The following DGKB variants were observed in gnomAD, a reference collection of about 807,000 sequenced individuals.
The protein encoded by DGKB is 90 kDa diacylglycerol kinase.
DGKB carries 67 observed loss-of-function variants against 114.3 expected under a neutral mutation model. The ratio of observed to expected loss-of-function variants is 0.59; its 90% CI spans 0.48 to 0.72. DGKB has a LOEUF of 0.72. DGKB is among the 30% of genes least tolerant of loss of function. The pLI is 0.00. For synonymous variants in DGKB, 398 were observed against 323.1 expected (o/e 1.23, Z -2.49); for missense variants, 907 against 975.2 (o/e 0.93, Z 0.93).
At chr7:14,540,838 T>C (rs73682442) in intron 20 of DGKB, among the ~76,000 whole-genome samples, 2,894 of 152,290 alleles carry the variant, frequency 0.019, 59 homozygotes, top group East Asian at 0.082. Context: ...ATGTAGCCTG[T>C]TAGCTGAACA....
chr7:14,309,916 C>T (rs934949654), intron 23 of DGKB, among the ~76,000 whole-genome samples: 4 of 152,174 alleles, frequency 2.6e-5, no homozygotes, highest in African/African-American at 9.7e-5. Context: ...AAAGAATATA[C>T]ATTTGGATAC....
At chr7:14,859,628 T>C (rs971057716) in intron 1 of DGKB, among the ~76,000 whole-genome samples, 2 of 152,156 alleles carry the variant, frequency 1.3e-5, no homozygotes, top group South Asian at 4.1e-4. Flanking sequence ...TTCCTTGTTG[T>C]TGGAATTCAC....
rs914000108 is a variant in DGKB at position 14,535,179 on chromosome 7, G to C, written c.1770+39033C>G. ...AGACAAGGAGTTCAAGATTAGCCTT[G>C]TCAACACAGTGAGAACTGTCTCAAC... is the stretch of plus-strand genomic sequence containing the variant. On this transcript the variant is annotated intron_variant, in intron 20 of 25. Coordinates refer to ENST00000402815, the MANE Select transcript of DGKB (RefSeq NM_001350709.2). Among the ~76,000 whole-genome samples the C allele has an allele frequency of 1.3e-5, 2 of 152,152 alleles. 1 individual carries two copies. The highest frequency in any genetic ancestry group is 3.9e-4 in the East Asian group (2 of 5,166).
intron 20 of DGKB, among the ~76,000 whole-genome samples, chr7:14,485,084 GACACACACACACCAC>G (rs1199846171): frequency 1.7e-5 from 2 of 114,880 alleles, no homozygotes; most frequent in Non-Finnish European, 1.7e-5. Context: ...ATTACTGAAA[GACACACACACACCAC>G]ACACACACAC....
At chr7:14,699,703 G>T (rs1476497186) in intron 7 of DGKB, among the ~76,000 whole-genome samples, 2 of 152,088 alleles carry the variant, frequency 1.3e-5, no homozygotes, top group Admixed American at 6.5e-5. Flanking sequence ...AAACCTGACA[G>T]CGAAGGAAAA....
chr7:14,487,101 T>C (rs1318457130), intron 20 of DGKB, among the ~76,000 whole-genome samples: 2 of 152,210 alleles, frequency 1.3e-5, no homozygotes, highest in African/African-American at 4.8e-5. Context: ...TGTAGGGCTA[T>C]TCACTTTCCA....
At chr7:14,274,985 G>A (rs922559493) in intron 23 of DGKB, among the ~76,000 whole-genome samples, 2 of 151,268 alleles carry the variant, frequency 1.3e-5, no homozygotes, top group South Asian at 2.1e-4. Context: ...TTGTGTGTGC[G>A]TGTTATAAAT....
At chr7:14,939,172 T>C (rs1452620558) in intron 1 of DGKB, among the ~76,000 whole-genome samples, 6 of 152,240 alleles carry the variant, frequency 3.9e-5, no homozygotes, top group African/African-American at 1.4e-4. Flanking sequence ...TAGTACTTTG[T>C]ACATAGTATG....
chr7:14,444,708 A>G (rs1830506389), intron 21 of DGKB, among the ~76,000 whole-genome samples: 1 of 151,916 alleles, frequency 6.6e-6, no homozygotes, highest in African/African-American at 2.4e-5. Flanking sequence ...TCCTATTACT[A>G]TCCCCACTTT....
intron 9 of DGKB, among the ~76,000 whole-genome samples, chr7:14,693,172 C>T (rs1823186630): frequency 6.6e-6 from 1 of 152,048 alleles, no homozygotes; most frequent in African/African-American, 2.4e-5. Flanking sequence ...TGGTCTTACA[C>T]CTTAAAACTC....
intron 20 of DGKB, among the ~76,000 whole-genome samples, chr7:14,532,034 A>G (rs747390213): frequency 1.3e-5 from 2 of 151,348 alleles, no homozygotes; most frequent in Non-Finnish European, 3.0e-5. Flanking sequence ...TGAATCCTAC[A>G]TCCAAATAAA....
chr7:14,692,010 T>C (rs1175500517), intron 9 of DGKB, among the ~76,000 whole-genome samples: 1 of 152,084 alleles, frequency 6.6e-6, no homozygotes. Context: ...TGCCTTACAA[T>C]TGAAATAATA....
chr7:14,897,685 C>A (rs1420929835), intron 1 of DGKB, among the ~76,000 whole-genome samples: 1 of 151,864 alleles, frequency 6.6e-6, no homozygotes. Flanking sequence ...TATTGCCCCA[C>A]GTATTCTAAA....
intron 4 of DGKB, among the ~76,000 whole-genome samples, chr7:14,737,663 A>C (rs1407438426): frequency 6.6e-6 from 1 of 152,166 alleles, no homozygotes; most frequent in East Asian, 1.9e-4. Flanking sequence ...GATTCTGCCT[A>C]TACCTTAATC....
intron 13 of DGKB, among the ~76,000 whole-genome samples, chr7:14,649,304 A>C (rs1813885628): frequency 6.6e-6 from 1 of 151,852 alleles, no homozygotes; most frequent in Non-Finnish European, 1.5e-5. Flanking sequence ...CTCTCGGCAG[A>C]AACCCCACAA....
intron 1 of DGKB, among the ~76,000 whole-genome samples, chr7:14,875,610 GATC>G (rs1853158742): frequency 6.6e-6 from 1 of 152,150 alleles, no homozygotes; most frequent in African/African-American, 2.4e-5. Context: ...TATCAGTGAA[GATC>G]ATTATGAAAT....
At chr7:14,281,612 T>G (rs1284750561) in intron 23 of DGKB, among the ~76,000 whole-genome samples, 3 of 147,748 alleles carry the variant, frequency 2.0e-5, no homozygotes, top group Non-Finnish European at 4.5e-5. Flanking sequence ...TACTTGGAAG[T>G]AAAGCTCTCC....
chr7:14,300,667 C>T (rs1020144050), intron 23 of DGKB, among the ~76,000 whole-genome samples: 4 of 151,914 alleles, frequency 2.6e-5, no homozygotes, highest in Non-Finnish European at 5.9e-5. Context: ...TAAAGACATG[C>T]CACTTTTGAT....
intron 20 of DGKB, among the ~76,000 whole-genome samples, chr7:14,521,500 T>A (rs544821296): frequency 3.9e-5 from 6 of 152,314 alleles, no homozygotes; most frequent in African/African-American, 1.4e-4. Context: ...TCAAACATTA[T>A]ATTCTTTTTT....
Sources: allele counts gnomAD v4.1 joint callset (sites outside exome capture counted in the v4.1 genomes callset), GRCh38; gene constraint gnomAD v4.1.1; transcripts MANE v1.5; gene names NCBI Gene and HGNC (gene_info 2026-07-23, HGNC 2026-07-21).